CSMD2: variants seen among roughly 807,000 people sequenced by gnomAD.
CSMD2 encodes the protein CUB and sushi domain-containing protein 2.
CSMD2 carries 130 observed loss-of-function variants against 398.5 expected under a neutral mutation model. The observed-to-expected ratio is 0.33, with a 90% CI of 0.28 to 0.38. The LOEUF (loss-of-function observed/expected upper bound fraction) is 0.38. Ranked by LOEUF, CSMD2 falls within the 10% of genes least tolerant of loss-of-function variation. CSMD2 has a pLI of 1.00. For synonymous variants in CSMD2, 1,828 were observed against 1,908.5 expected, an observed-to-expected ratio of 0.96 and a Z score of 1.10; for missense variants, 3,829 against 4,764.9, an observed-to-expected ratio of 0.80 and a Z score of 5.78.
At position 33,515,526 on chromosome 1, in the gene CSMD2, C is replaced by T. The variant is rs1204462290; in HGVS notation, c.*1098G>A. 1.3e-5 allele frequency: 2 copies of T among 152,254 alleles called. No individual in the cohort carries two copies. The allele number at this position is 152,254 out of a possible 1,614,324, so 9.4% of individuals were successfully genotyped here. ...TCTGGGTTTGCATTCTGACTCCACA[C>T]TTCCTAACTCTGTCTTTACCTTTGC... On this transcript the variant is annotated 3_prime_UTR_variant, in exon 71 of 71. Coordinates refer to ENST00000373381, the MANE Select transcript of CSMD2 (RefSeq NM_001281956.2).
chr1:33,865,214 G>A (rs563504129), intron 5 of CSMD2, among the ~76,000 whole-genome samples: 1 of 151,718 alleles, frequency 6.6e-6, no homozygotes, highest in South Asian at 2.1e-4. Context: ...TGGGAAGACT[G>A]CCAGGGCTAG....
At chr1:34,062,430 C>A (rs1654618462) in intron 2 of CSMD2, among the ~76,000 whole-genome samples, 1 of 152,204 alleles carries the variant, frequency 6.6e-6, no homozygotes, top group African/African-American at 2.4e-5. Context: ...AATGTGGATG[C>A]CTTAAAACAG....
intron 1 of CSMD2, among the ~76,000 whole-genome samples, chr1:34,153,593 G>C (rs1160803407): frequency 6.6e-6 from 1 of 152,180 alleles, no homozygotes; most frequent in Non-Finnish European, 1.5e-5. Context: ...CAGGCGCACA[G>C]AGGCACTCAA....
At chr1:34,111,895 C>T (rs1661118067) in intron 1 of CSMD2, among the ~76,000 whole-genome samples, 1 of 152,284 alleles carries the variant, frequency 6.6e-6, no homozygotes, top group South Asian at 2.1e-4. Flanking sequence ...TCCATTACAG[C>T]CCTGTCTCTG....
chr1:33,847,174 A>G (rs1638318009), intron 5 of CSMD2, among the ~76,000 whole-genome samples, 178 bp from the exon 6 acceptor site: 1 of 151,978 alleles, frequency 6.6e-6, no homozygotes, highest in Non-Finnish European at 1.5e-5. Context: ...GCAGCTTGAG[A>G]TGGCTCCTCC....
intron 5 of CSMD2, chr1:33,875,320 A>G (rs756617887): frequency 2.0e-5 from 3 of 152,220 alleles, no homozygotes; most frequent in East Asian, 3.8e-4. Context: ...AGTGAGAGCA[A>G]ATGTATGCTC....
At chr1:33,731,689 A>G (rs908065176) in intron 15 of CSMD2, among the ~76,000 whole-genome samples, 12 of 152,232 alleles carry the variant, frequency 7.9e-5, no homozygotes, top group African/African-American at 2.9e-4. Context: ...GACTTGAGAC[A>G]TATCAGCCAA....
At chr1:33,622,355 A>C (rs1641826149) in intron 36 of CSMD2, 84 bp from the exon 37 acceptor site, 1 of 975,318 alleles carries the variant, frequency 1.0e-6, no homozygotes. Flanking sequence ...GGATTTTGCT[A>C]CCTGCTGACA....
chr1:33,733,240 C>T (rs548134788), intron 15 of CSMD2, among the ~76,000 whole-genome samples: 1 of 152,288 alleles, frequency 6.6e-6, no homozygotes, highest in East Asian at 1.9e-4. Flanking sequence ...GAAGTGTTGC[C>T]TCCTACTCTC....
At chr1:33,901,460 A>G (rs1642753080) in intron 5 of CSMD2, among the ~76,000 whole-genome samples, 1 of 152,224 alleles carries the variant, frequency 6.6e-6, no homozygotes, top group Non-Finnish European at 1.5e-5. Flanking sequence ...GAAAGAGTTC[A>G]TGTTGGGAGG....
intron 1 of CSMD2, among the ~76,000 whole-genome samples, chr1:34,126,288 A>G (rs952092930): frequency 1.3e-5 from 2 of 152,180 alleles, no homozygotes. Context: ...TAGAAAATAA[A>G]GCCGAGCTCT....
intron 24 of CSMD2, among the ~76,000 whole-genome samples, chr1:33,693,892 T>C (rs1571245541): frequency 6.6e-6 from 1 of 152,190 alleles, no homozygotes; most frequent in East Asian, 1.9e-4. Flanking sequence ...ACCCCATCTC[T>C]ACTAAAAATA....
rs562115730 is a variant in CSMD2 at position 33,534,610 on chromosome 1, A to G, written c.9880-703T>C. 7.9e-5 allele frequency among the ~76,000 whole-genome samples: 12 copies of G among 152,196 alleles called. No individual in the cohort carries two copies. In the East Asian group the frequency reaches 2.3e-3, roughly 29 times the overall value. ...TGTAATGCGGCTAGATCTGTTTCCT[A>G]TACTGCAACTCGGATTATACTACTT... On this transcript the variant is annotated intron_variant, in intron 62 of 70. Transcript: ENST00000373381.
At chr1:34,055,093 C>T (rs541392640) in intron 2 of CSMD2, among the ~76,000 whole-genome samples, 1 of 152,172 alleles carries the variant, frequency 6.6e-6, no homozygotes, top group East Asian at 1.9e-4. Flanking sequence ...GTGACAAGAC[C>T]CTTTGTAATC....
chr1:33,551,291 G>A (rs1458080883), intron 55 of CSMD2, among the ~76,000 whole-genome samples: 1 of 152,236 alleles, frequency 6.6e-6, no homozygotes, highest in Non-Finnish European at 1.5e-5. Flanking sequence ...ATCATGGCAT[G>A]AAAATTGGAT....
At chr1:33,657,922 G>C in intron 27 of CSMD2, 24 bp downstream of exon 27, 2 of 1,598,086 alleles carry the variant, frequency 1.3e-6, no homozygotes, top group Non-Finnish European at 1.7e-6. Flanking sequence ...CAAGAGCAGA[G>C]TGCACCCTGC....
chr1:33,617,380 C>T lies in CSMD2; in HGVS notation c.5946+119G>A, dbSNP rs1334971514. 4.1e-6 allele frequency: 3 copies of T among 730,304 alleles called. No individual in the cohort carries two copies. In the South Asian group the frequency reaches 5.0e-5, roughly 12 times the overall value. The allele number at this position is 730,304 out of a possible 1,614,324, so 45.2% of individuals were successfully genotyped here. A position where few individuals can be genotyped will look rare whatever the true frequency, so the allele number is the denominator to read the frequency against. ...ACAGCTCCAGGAGAGGATAATGGTACCCGGGGGACCTGGGGGCTGCTCCCT... is the reference window on the plus strand; with the variant it reads ...ACAGCTCCAGGAGAGGATAATGGTATCCGGGGGACCTGGGGGCTGCTCCCT... On this transcript the variant is annotated intron_variant, in intron 38 of 70. Coordinates refer to ENST00000373381, the MANE Select transcript of CSMD2 (RefSeq NM_001281956.2).
intron 2 of CSMD2, among the ~76,000 whole-genome samples, chr1:34,058,264 T>C (rs926485180): frequency 3.9e-5 from 6 of 152,132 alleles, no homozygotes; most frequent in African/African-American, 1.4e-4. Context: ...CTCATCCTTG[T>C]TTCCACACCT....
At chr1:33,921,408 C>G (rs749050652) in intron 4 of CSMD2, among the ~76,000 whole-genome samples, 1 of 152,118 alleles carries the variant, frequency 6.6e-6, no homozygotes, top group Non-Finnish European at 1.5e-5. Context: ...GCCACAGGAG[C>G]CAGCCAACAA....
Sources: gnomAD v4.1 joint callset for allele counts (sites outside exome capture counted in the v4.1 genomes callset) on GRCh38, gnomAD v4.1.1 for gene constraint, MANE v1.5 for transcripts, NCBI Gene and HGNC (gene_info 2026-07-23, HGNC 2026-07-21) for gene names.